Variants in KCNMA1 observed in about 807,000 individuals in gnomAD.
The protein encoded by KCNMA1 is Calcium-activated potassium channel subunit alpha-1.
Under a neutral mutation model 140.0 loss-of-function variants are expected in KCNMA1, and 29 were observed. The observed-to-expected ratio is 0.21, with a 90% confidence interval of 0.15 to 0.28. KCNMA1 has a LOEUF of 0.28. KCNMA1 is among the 10% of genes least tolerant of loss of function. KCNMA1 has a pLI of 1.00. For synonymous variants in KCNMA1, 612 were observed against 611.9 expected (o/e 1.00, Z 0.00); for missense variants, 880 against 1,602.2 (o/e 0.55, Z 7.70).
chr10:77,445,582 C>G (rs2097513067), intron 1 of KCNMA1, among the ~76,000 whole-genome samples: 1 of 152,074 alleles, frequency 6.6e-6, no homozygotes, highest in African/African-American at 2.4e-5. Flanking sequence ...TTTAGCGATG[C>G]AATGTTTCCT....
At chr10:77,398,863 C>T (rs1485255705) in intron 2 of KCNMA1, among the ~76,000 whole-genome samples, 2 of 152,200 alleles carry the variant, frequency 1.3e-5, no homozygotes, top group Admixed American at 1.3e-4. Context: ...AAACCTACAC[C>T]ATACGTTTCT....
intron 1 of KCNMA1, among the ~76,000 whole-genome samples, chr10:77,441,146 G>C (rs2097390161): frequency 6.6e-6 from 1 of 152,126 alleles, no homozygotes; most frequent in Non-Finnish European, 1.5e-5. Flanking sequence ...CAAAGGGCCA[G>C]CTCTCATGTT....
At chr10:77,439,259 T>G (rs1351722398) in intron 1 of KCNMA1, among the ~76,000 whole-genome samples, 1 of 152,296 alleles carries the variant, frequency 6.6e-6, no homozygotes, top group Non-Finnish European at 1.5e-5. Context: ...ACCATAAACA[T>G]TAAATTTTAC....
chr10:76,896,090 G>A (rs550687500), intron 25 of KCNMA1, among the ~76,000 whole-genome samples: 3 of 152,216 alleles, frequency 2.0e-5, no homozygotes, highest in Non-Finnish European at 4.4e-5. Flanking sequence ...AATTTGCCGG[G>A]CTGGAATTTC....
chr10:77,424,790 C>T (rs901974718), intron 1 of KCNMA1, among the ~76,000 whole-genome samples: 3 of 152,212 alleles, frequency 2.0e-5, no homozygotes, highest in African/African-American at 7.2e-5. Flanking sequence ...ATGATTTTGA[C>T]AGATGCACTC....
chr10:77,152,894 A>T (rs2098440498), intron 5 of KCNMA1, among the ~76,000 whole-genome samples: 1 of 152,138 alleles, frequency 6.6e-6, no homozygotes, highest in Non-Finnish European at 1.5e-5. Flanking sequence ...GATGGAAAGG[A>T]CTGATTGCGA....
intron 1 of KCNMA1, among the ~76,000 whole-genome samples, chr10:77,509,570 A>G (rs574160192): frequency 7.0e-4 from 106 of 152,304 alleles, no homozygotes; most frequent in African/African-American, 2.5e-3. Flanking sequence ...GAACTGCCAT[A>G]CTGTTTTCCA....
At chr10:77,012,312 CTG>C (rs2090986017) in intron 17 of KCNMA1, 2 of 1,464,764 alleles carry the variant, frequency 1.4e-6, no homozygotes, top group Admixed American at 2.7e-5. Flanking sequence ...ATGTGACACA[CTG>C]TGTCTGCTCA....
intron 1 of KCNMA1, among the ~76,000 whole-genome samples, chr10:77,628,540 C>T (rs981540518): frequency 4.0e-5 from 6 of 151,680 alleles, no homozygotes; most frequent in Non-Finnish European, 8.8e-5. Context: ...ACCTGGAATG[C>T]CAGGTACTCA....
Position 77,601,328 on chromosome 10 carries a change from C to T in KCNMA1, c.378+35937G>A, listed in dbSNP as rs1253273164. On this transcript the variant is annotated intron_variant, in intron 1 of 27. Transcript: ENST00000286628. The stretch of plus-strand genomic sequence containing the variant: ...AAGCCTCATGAGTGAAAAGGACGGA[C>T]GATCTCTAAGATGTCATGAAAACAC... Among the ~76,000 whole-genome samples, 5 of 152,226 alleles carry T rather than the reference C, an allele frequency of 3.3e-5. No individual in the cohort carries two copies. In the East Asian group the frequency reaches 7.7e-4, roughly 24 times the overall value.
intron 1 of KCNMA1, among the ~76,000 whole-genome samples, chr10:77,580,901 C>A (rs1324869548): frequency 6.6e-6 from 1 of 152,198 alleles, no homozygotes; most frequent in Non-Finnish European, 1.5e-5. Flanking sequence ...GCATTATTAT[C>A]TTTCCTAAAC....
chr10:77,165,745 A>T (rs186687823), intron 5 of KCNMA1, among the ~76,000 whole-genome samples: 14 of 152,174 alleles, frequency 9.2e-5, no homozygotes, highest in African/African-American at 2.9e-4. Context: ...TTCACTTGAC[A>T]TTTGTCTTCT....
At chr10:77,380,159 C>T (rs1048787884) in intron 2 of KCNMA1, among the ~76,000 whole-genome samples, 2 of 152,148 alleles carry the variant, frequency 1.3e-5, no homozygotes, top group Non-Finnish European at 2.9e-5. Context: ...TTTATGTTGT[C>T]GTCTGAAAGT....
At chr10:77,110,817 C>A (rs537130265) in intron 7 of KCNMA1, among the ~76,000 whole-genome samples, 3 of 152,314 alleles carry the variant, frequency 2.0e-5, no homozygotes, top group Admixed American at 2.0e-4. Flanking sequence ...CTCCTTCCAT[C>A]AGTTTATCCA....
At chr10:77,504,152 G>A (rs987492881) in intron 1 of KCNMA1, among the ~76,000 whole-genome samples, 5 of 152,142 alleles carry the variant, frequency 3.3e-5, no homozygotes, top group Admixed American at 1.3e-4. Context: ...TTACACTGCC[G>A]CCATGAGCTT....
At chr10:76,922,865 C>T (rs538867040) in intron 23 of KCNMA1, among the ~76,000 whole-genome samples, 23 of 152,244 alleles carry the variant, frequency 1.5e-4, no homozygotes, top group South Asian at 1.0e-3. Flanking sequence ...ATTCTCTTCG[C>T]GGTGAAATGA....
At chr10:77,552,343 C>T (rs911784525) in intron 1 of KCNMA1, among the ~76,000 whole-genome samples, 2 of 152,166 alleles carry the variant, frequency 1.3e-5, no homozygotes, top group African/African-American at 4.8e-5. Context: ...GCTGTGTGAC[C>T]TCGATAAGAT....
intron 25 of KCNMA1, among the ~76,000 whole-genome samples, chr10:76,909,007 A>G (rs2048939820): frequency 6.6e-6 from 1 of 152,162 alleles, no homozygotes; most frequent in Non-Finnish European, 1.5e-5. Flanking sequence ...CCTGATTGCT[A>G]GATGCACATC....
chr10:76,880,908 C>T (rs906442333), downstream of KCNMA1, among the ~76,000 whole-genome samples: 6 of 152,188 alleles, frequency 3.9e-5, no homozygotes, highest in African/African-American at 4.8e-5. Context: ...AGGGCTTCCT[C>T]GCTGCCAGAG....
Sources: allele counts gnomAD v4.1 joint callset (sites outside exome capture counted in the v4.1 genomes callset), GRCh38; gene constraint gnomAD v4.1.1; transcripts MANE v1.5; gene names NCBI Gene and HGNC (gene_info 2026-07-23, HGNC 2026-07-21).